CFAP95: variants seen among roughly 807,000 people sequenced by gnomAD.
CFAP95 encodes the protein cilia and flagella associated protein 95, also known as cilia- and flagella-associated protein 95.
the CFAP95 span, among the ~76,000 whole-genome samples, chr9:69,843,503 CCCCCTCCTCCTCCTCCTCCT>C: frequency 3.3e-4 from 2 of 5,986 alleles, no homozygotes; most frequent in African/African-American, 1.2e-3. Flanking sequence ...CTCCTCCTCC[CCCCCTCCTCCTCCTCCTCCT>C]CCTCCTCCTC....
chr9:69,906,048 C>T, the CFAP95 span: 1 of 1,613,364 alleles, frequency 6.2e-7, no homozygotes, highest in South Asian at 1.1e-5. Flanking sequence ...GGCATCAACA[C>T]TTGGCATGAT....
the CFAP95 span, among the ~76,000 whole-genome samples, chr9:69,869,515 G>A: frequency 0.11 from 16,734 of 152,078 alleles, 1,183 homozygotes; most frequent in East Asian, 0.27. Context: ...ATGAATAAGC[G>A]CTAGAGATCT....
chr9:69,863,059 T>G, the CFAP95 span, among the ~76,000 whole-genome samples: 7 of 152,224 alleles, frequency 4.6e-5, no homozygotes, highest in African/African-American at 1.7e-4. Flanking sequence ...GATGACACTA[T>G]AGTGATATCA....
chr9:69,872,609 A>C, the CFAP95 span, among the ~76,000 whole-genome samples: 12 of 152,162 alleles, frequency 7.9e-5, no homozygotes, highest in African/African-American at 2.7e-4. Context: ...GATCAGGATT[A>C]AAATCTGATT....
the CFAP95 span, among the ~76,000 whole-genome samples, chr9:69,879,218 A>G: frequency 6.6e-6 from 1 of 152,222 alleles, no homozygotes; most frequent in Non-Finnish European, 1.5e-5. Flanking sequence ...TCTTTTAATC[A>G]GTAGATAATG....
chr9:69,883,119 T>C, the CFAP95 span, among the ~76,000 whole-genome samples: 1 of 152,196 alleles, frequency 6.6e-6, no homozygotes. Context: ...ATCTCATTAC[T>C]TGTTATTGGT....
chr9:69,881,731 T>C, the CFAP95 span, among the ~76,000 whole-genome samples: 1 of 152,186 alleles, frequency 6.6e-6, no homozygotes, highest in African/African-American at 2.4e-5. Context: ...AGGGGTTGCA[T>C]TGAATCTGTA....
chr9:69,822,255 A>AT, the CFAP95 span, among the ~76,000 whole-genome samples: 2 of 152,202 alleles, frequency 1.3e-5, no homozygotes, highest in African/African-American at 4.8e-5. Context: ...GAAATGAGTG[A>AT]TTTTGACTCT....
At chr9:69,863,752 G>T in the CFAP95 span, among the ~76,000 whole-genome samples, 1 of 152,086 alleles carries the variant, frequency 6.6e-6, no homozygotes, top group African/African-American at 2.4e-5. Flanking sequence ...ATCCAATTTT[G>T]AAAGGGAGAT....
At chr9:69,876,069 C>CAT in the CFAP95 span, among the ~76,000 whole-genome samples, 1 of 152,192 alleles carries the variant, frequency 6.6e-6, no homozygotes, top group Non-Finnish European at 1.5e-5. Flanking sequence ...GGTAATAAGA[C>CAT]ATATGCACCT....
At chr9:69,854,635 G>A in the CFAP95 span, among the ~76,000 whole-genome samples, 1 of 152,170 alleles carries the variant, frequency 6.6e-6, no homozygotes, top group South Asian at 2.1e-4. Flanking sequence ...TTCTCACCCT[G>A]CTTTGTGCCA....
the CFAP95 span, among the ~76,000 whole-genome samples, chr9:69,829,844 C>T: frequency 6.6e-6 from 1 of 152,166 alleles, no homozygotes; most frequent in East Asian, 1.9e-4. Flanking sequence ...TTGTTGAACA[C>T]ACTTCTCTGA....
chr9:69,832,708 T>A, the CFAP95 span, among the ~76,000 whole-genome samples: 13 of 149,320 alleles, frequency 8.7e-5, no homozygotes, highest in East Asian at 3.9e-4. Context: ...TTTTTTTTTT[T>A]AAATACTTTA....
the CFAP95 span, among the ~76,000 whole-genome samples, chr9:69,873,273 C>T: frequency 3.9e-5 from 6 of 152,180 alleles, no homozygotes; most frequent in South Asian, 2.1e-4. Context: ...GCTAGGGTGA[C>T]GGAGTGAGAT....
At chr9:69,826,590 T>A in the CFAP95 span, among the ~76,000 whole-genome samples, 1 of 152,228 alleles carries the variant, frequency 6.6e-6, no homozygotes, top group Non-Finnish European at 1.5e-5. Context: ...GTTTTCTTCT[T>A]TCTGCCTTTA....
chr9:69,828,463 T>A, the CFAP95 span, among the ~76,000 whole-genome samples: 1 of 152,196 alleles, frequency 6.6e-6, no homozygotes, highest in South Asian at 2.1e-4. Flanking sequence ...AGGGGATCGC[T>A]TGAGCCAGGA....
At chr9:69,884,014 A>C in the CFAP95 span, among the ~76,000 whole-genome samples, 6 of 151,818 alleles carry the variant, frequency 4.0e-5, no homozygotes, top group African/African-American at 1.5e-4. Flanking sequence ...TTCTTTTTTG[A>C]TGTAGGCACT....
At chr9:69,883,502 GT>G in the CFAP95 span, among the ~76,000 whole-genome samples, 1 of 152,124 alleles carries the variant, frequency 6.6e-6, no homozygotes, top group Non-Finnish European at 1.5e-5. Flanking sequence ...GATTCAGGCA[GT>G]TTTTGATGAA....
the CFAP95 span, among the ~76,000 whole-genome samples, chr9:69,899,248 C>T: frequency 6.6e-6 from 1 of 152,210 alleles, no homozygotes; most frequent in East Asian, 1.9e-4. Flanking sequence ...ACACTTTCTT[C>T]CCATTCCCAC....
Sources: gnomAD v4.1 joint callset for allele counts (sites outside exome capture counted in the v4.1 genomes callset) on GRCh38, gnomAD v4.1.1 for gene constraint, MANE v1.5 for transcripts, NCBI Gene and HGNC (gene_info 2026-07-23, HGNC 2026-07-21) for gene names.